Variants in SOBP observed in about 807,000 individuals in gnomAD.
The protein encoded by SOBP is sine oculis-binding protein homolog.
In SOBP, 4 loss-of-function variants were observed where a neutral mutation model predicts 53.6. The observed-to-expected ratio is 0.07, with a 90% CI of 0.04 to 0.17. SOBP has a LOEUF of 0.17. Among genes scored for constraint, SOBP ranks in the 10% least tolerant of loss-of-function variants. The pLI is 1.00. For missense variants in SOBP, 1,088 were observed against 1,204.7 expected (o/e 0.90, Z 1.43); for synonymous variants, 584 against 522.6 (o/e 1.12, Z -1.60).
At chr6:107,510,220 G>C (rs889474130) in intron 3 of SOBP, among the ~76,000 whole-genome samples, 3 of 152,114 alleles carry the variant, frequency 2.0e-5, no homozygotes, top group Non-Finnish European at 4.4e-5. Context: ...TTCCAATAAA[G>C]TTTTATTTAC....
At chr6:107,537,346 A>G (rs1784028578) in intron 4 of SOBP, among the ~76,000 whole-genome samples, 1 of 152,218 alleles carries the variant, frequency 6.6e-6, no homozygotes, top group Non-Finnish European at 1.5e-5. Context: ...TCCAAAAATC[A>G]AGAAGGAAAT....
chr6:107,524,129 C>A (rs1332881335), intron 3 of SOBP, among the ~76,000 whole-genome samples: 1 of 152,226 alleles, frequency 6.6e-6, no homozygotes, highest in Non-Finnish European at 1.5e-5. Flanking sequence ...TATAAAGCAG[C>A]TTGACCTTTT....
intron 6 of SOBP, among the ~76,000 whole-genome samples, chr6:107,643,089 C>T (rs1198410095): frequency 1.3e-5 from 2 of 152,170 alleles, no homozygotes; most frequent in East Asian, 3.9e-4. Context: ...AGTGGCTAAA[C>T]GGCATTTGGA....
intron 5 of SOBP, among the ~76,000 whole-genome samples, chr6:107,600,442 A>AG (rs1284767522): frequency 2.0e-5 from 3 of 152,186 alleles, no homozygotes; most frequent in Non-Finnish European, 2.9e-5. Flanking sequence ...TGACAATACA[A>AG]GGATTACTTT....
chr6:107,621,809 C>T (rs576319101), intron 5 of SOBP, among the ~76,000 whole-genome samples: 2 of 152,274 alleles, frequency 1.3e-5, no homozygotes, highest in Admixed American at 1.3e-4. Context: ...GGCCCAAAAA[C>T]CTCCTCATTA....
At chr6:107,629,701 A>C (rs1208210639) in intron 5 of SOBP, among the ~76,000 whole-genome samples, 1 of 152,230 alleles carries the variant, frequency 6.6e-6, no homozygotes, top group Admixed American at 6.5e-5. Flanking sequence ...TGAGCGGTGT[A>C]GGTTGCCACA....
At chr6:107,606,706 G>A (rs1460202247) in intron 5 of SOBP, among the ~76,000 whole-genome samples, 2 of 152,244 alleles carry the variant, frequency 1.3e-5, no homozygotes, top group Non-Finnish European at 2.9e-5. Flanking sequence ...GGATAGGGCG[G>A]CAGCGCCCTC....
intron 4 of SOBP, among the ~76,000 whole-genome samples, chr6:107,570,710 C>G (rs1056863842): frequency 6.6e-6 from 1 of 152,198 alleles, no homozygotes; most frequent in East Asian, 1.9e-4. Flanking sequence ...TTTCCACCCA[C>G]GGGCCCTGCA....
intron 5 of SOBP, among the ~76,000 whole-genome samples, chr6:107,614,223 G>A (rs1037725596): frequency 5.3e-5 from 8 of 152,136 alleles, no homozygotes; most frequent in Non-Finnish European, 7.4e-5. Flanking sequence ...GCAATATAGC[G>A]AGATCCCATC....
chr6:107,490,549 C>T lies in SOBP; in HGVS notation c.-68C>T, dbSNP rs1782551421. The stretch of plus-strand genomic sequence containing the variant: ...ATCAGCACCACCTCCACCGCCGCCG[C>T]CGCCGCCACCACCACCGCCGGCGGC... On this transcript the variant is annotated 5_prime_UTR_variant, in exon 1 of 7. Coordinates refer to ENST00000317357, the MANE Select transcript of SOBP (RefSeq NM_018013.4). 2 of 1,219,130 alleles carry T rather than the reference C, an allele frequency of 1.6e-6. No individual in the cohort carries two copies. The highest frequency in any genetic ancestry group is 1.5e-5 in the African/African-American group (1 of 65,602). The allele number at this position is 1,219,130 out of a possible 1,614,324, so 75.5% of individuals were successfully genotyped here.
At chr6:107,527,993 G>C (rs1351790874) in intron 3 of SOBP, among the ~76,000 whole-genome samples, 2 of 152,132 alleles carry the variant, frequency 1.3e-5, no homozygotes, top group African/African-American at 4.8e-5. Context: ...GGTTGCCCTA[G>C]CTCTTTCCAA....
chr6:107,562,875 G>A (rs1160661341), intron 4 of SOBP, among the ~76,000 whole-genome samples: 1 of 152,142 alleles, frequency 6.6e-6, no homozygotes, highest in East Asian at 1.9e-4. Flanking sequence ...AAAAAAGAAG[G>A]GATAGATGAA....
intron 1 of SOBP, among the ~76,000 whole-genome samples, 157 bp from the exon 2 acceptor site, chr6:107,503,500 A>G (rs1782896734): frequency 6.6e-6 from 1 of 152,214 alleles, no homozygotes; most frequent in Admixed American, 6.5e-5. Context: ...TAAAAACATT[A>G]TGGTTTTGAA....
chr6:107,635,431 A>C lies in SOBP; in HGVS notation c.2587A>C (p.Arg863=), dbSNP rs1583297855. The change falls in exon 6 of 7, where the codon AGG becomes CGG. Residue 863 remains arginine (R), a synonymous_variant. Transcript: ENST00000317357. This position sits in a 1 kb window ranked among gnomAD's most constrained non-coding sequence, Gnocchi z 4.5. ...TGAGGACCTGGAGCCGCCGCTCAAA[A>C]GGAGGTGCCTCCGAATTAGAAATCA... The part of the protein sequence containing the change: ...GPEDLEPPLK[R]RCLRIRNQNK 6.2e-7 allele frequency: 1 copy of C among 1,613,590 alleles called. No individual in the cohort carries two copies. Among genetic ancestry groups the C allele is most frequent in the Non-Finnish European group, 8.5e-7 (1 of 1,180,024 alleles).
intron 3 of SOBP, among the ~76,000 whole-genome samples, chr6:107,531,665 G>C (rs1030839014): frequency 1.3e-5 from 2 of 151,830 alleles, no homozygotes; most frequent in East Asian, 3.9e-4. Flanking sequence ...ATATCAAAAA[G>C]CTTGCTTTGA....
intron 5 of SOBP, among the ~76,000 whole-genome samples, chr6:107,619,796 T>G (rs1411295238): frequency 6.6e-6 from 1 of 152,064 alleles, no homozygotes; most frequent in Non-Finnish European, 1.5e-5. Flanking sequence ...TTTGAGTAGG[T>G]CCACCCAGAC....
chr6:107,604,066 A>T (rs992633391), intron 5 of SOBP, among the ~76,000 whole-genome samples: 10 of 152,184 alleles, frequency 6.6e-5, no homozygotes, highest in Non-Finnish European at 2.9e-5. Flanking sequence ...TGTTTTCATA[A>T]ATCAATGGTC....
At chr6:107,565,713 G>A (rs1472131705) in intron 4 of SOBP, among the ~76,000 whole-genome samples, 1 of 152,194 alleles carries the variant, frequency 6.6e-6, no homozygotes. Flanking sequence ...AGGCAATAGT[G>A]CAGAGTCAGA....
chr6:107,562,258 A>T (rs1784793991), intron 4 of SOBP, among the ~76,000 whole-genome samples: 1 of 152,054 alleles, frequency 6.6e-6, no homozygotes, highest in African/African-American at 2.4e-5. Flanking sequence ...ATCTCAAGTG[A>T]TCTGCCCTCC....
Sources: allele counts gnomAD v4.1 joint callset (sites outside exome capture counted in the v4.1 genomes callset), GRCh38; gene constraint gnomAD v4.1.1; non-coding constraint Gnocchi (gnomAD v3.1); transcripts MANE v1.5; gene names NCBI Gene and HGNC (gene_info 2026-07-23, HGNC 2026-07-21).